The following QTMAN variants were observed in gnomAD, a reference collection of about 807,000 sequenced individuals.
The protein encoded by QTMAN is tRNA-queuosine alpha-mannosyltransferase.
At chr2:144,281,795 G>C in the QTMAN span, among the ~76,000 whole-genome samples, 1 of 152,158 alleles carries the variant, frequency 6.6e-6, no homozygotes, top group Admixed American at 6.5e-5. Context: ...TCAGAAGAAA[G>C]CAAACCTGCC....
the QTMAN span, among the ~76,000 whole-genome samples, chr2:144,189,730 C>T: frequency 6.6e-6 from 1 of 152,090 alleles, no homozygotes; most frequent in African/African-American, 2.4e-5. Flanking sequence ...AGCAATTCTC[C>T]CGCCTCAGCC....
the QTMAN span, chr2:143,941,699 G>C: frequency 1.3e-5 from 2 of 151,118 alleles, no homozygotes; most frequent in Non-Finnish European, 2.9e-5. Context: ...AAAAAAATTG[G>C]CCACACTACA....
chr2:144,098,234 A>G, the QTMAN span, among the ~76,000 whole-genome samples: 37 of 152,310 alleles, frequency 2.4e-4, no homozygotes, highest in African/African-American at 8.7e-4. Context: ...AGGTTTTCAA[A>G]AGTTTAGACA....
At chr2:144,246,131 T>C in the QTMAN span, among the ~76,000 whole-genome samples, 2 of 152,070 alleles carry the variant, frequency 1.3e-5, no homozygotes, top group African/African-American at 4.8e-5. Context: ...TAAAAATGTG[T>C]GTGTACATAT....
the QTMAN span, among the ~76,000 whole-genome samples, chr2:144,261,732 C>T: frequency 6.6e-6 from 1 of 152,200 alleles, no homozygotes; most frequent in Non-Finnish European, 1.5e-5. Flanking sequence ...CACCAAAACA[C>T]AGATTTCATA....
the QTMAN span, among the ~76,000 whole-genome samples, chr2:144,231,893 T>TGTGTGTGTGTG: frequency 6.9e-6 from 1 of 144,202 alleles, no homozygotes. Context: ...TGTGTGTGTG[T>TGTGTGTGTGTG]TATCTTTACT....
the QTMAN span, among the ~76,000 whole-genome samples, chr2:144,027,935 G>A: frequency 1.3e-5 from 2 of 152,136 alleles, no homozygotes; most frequent in East Asian, 3.9e-4. Context: ...ATGCACTTTG[G>A]ACTTGCTCTC....
At chr2:144,020,232 A>G in the QTMAN span, among the ~76,000 whole-genome samples, 5 of 152,186 alleles carry the variant, frequency 3.3e-5, no homozygotes, top group African/African-American at 7.2e-5. Flanking sequence ...ACCTAGGTGA[A>G]GACAGGCATT....
At chr2:144,274,638 C>A in the QTMAN span, among the ~76,000 whole-genome samples, 2 of 152,204 alleles carry the variant, frequency 1.3e-5, no homozygotes, top group East Asian at 1.9e-4. Flanking sequence ...GAAGGTGGTA[C>A]GCCCAGAGAA....
chr2:144,298,022 A>T, the QTMAN span, among the ~76,000 whole-genome samples: 1 of 144,112 alleles, frequency 6.9e-6, no homozygotes, highest in African/African-American at 2.5e-5. Flanking sequence ...GAATATTTTA[A>T]TTTTTTTTTT....
the QTMAN span, among the ~76,000 whole-genome samples, chr2:144,121,345 A>T: frequency 6.6e-6 from 1 of 152,150 alleles, no homozygotes. Flanking sequence ...AACCCAAGAC[A>T]AAGGGCCTTG....
At chr2:144,239,515 T>G in the QTMAN span, among the ~76,000 whole-genome samples, 1 of 151,444 alleles carries the variant, frequency 6.6e-6, no homozygotes, top group Admixed American at 6.6e-5. Flanking sequence ...GGGAGGGGAG[T>G]TGACCCATTC....
chr2:143,988,274 T>C, the QTMAN span, among the ~76,000 whole-genome samples: 1 of 152,202 alleles, frequency 6.6e-6, no homozygotes, highest in South Asian at 2.1e-4. Flanking sequence ...GAGGAGTCCC[T>C]GCAGTGCACA....
the QTMAN span, among the ~76,000 whole-genome samples, chr2:143,976,258 T>A: frequency 6.6e-6 from 1 of 152,086 alleles, no homozygotes; most frequent in Non-Finnish European, 1.5e-5. Flanking sequence ...CATTTCCAGA[T>A]CATTAAATCA....
chr2:144,045,460 T>C, the QTMAN span, among the ~76,000 whole-genome samples: 1 of 152,300 alleles, frequency 6.6e-6, no homozygotes, highest in Admixed American at 6.5e-5. Flanking sequence ...ATGTAGTCCA[T>C]TTAAGTTCAT....
At chr2:144,030,322 G>A in the QTMAN span, among the ~76,000 whole-genome samples, 1 of 152,148 alleles carries the variant, frequency 6.6e-6, no homozygotes, top group Admixed American at 6.5e-5. Context: ...CATTGATGTT[G>A]TTCAAGCAAC....
At chr2:144,261,332 G>A in the QTMAN span, among the ~76,000 whole-genome samples, 14 of 152,128 alleles carry the variant, frequency 9.2e-5, no homozygotes, top group Non-Finnish European at 1.6e-4. Context: ...CTAAATTTCG[G>A]GGAGGGGGGG....
chr2:144,307,751 C>A, the QTMAN span, among the ~76,000 whole-genome samples: 1 of 152,122 alleles, frequency 6.6e-6, no homozygotes, highest in Non-Finnish European at 1.5e-5. Context: ...TAATTCACGT[C>A]CTATTCACCT....
chr2:143,985,137 GGATGCTGCCATGGGGCCTGAACAGAGCC>G, the QTMAN span, among the ~76,000 whole-genome samples: 3 of 152,218 alleles, frequency 2.0e-5, no homozygotes, highest in African/African-American at 4.8e-5. Flanking sequence ...TAACATGCTT[GGATGCTGCCATGGGGCCTGAACAGAGCC>G]TGACTCCCCA....
Sources: gnomAD v4.1 joint callset for allele counts (sites outside exome capture counted in the v4.1 genomes callset) on GRCh38, gnomAD v4.1.1 for gene constraint, MANE v1.5 for transcripts, NCBI Gene and HGNC (gene_info 2026-07-23, HGNC 2026-07-21) for gene names.